DCLK1: variants seen among roughly 807,000 people sequenced by gnomAD.
DCLK1 encodes serine/threonine-protein kinase DCLK1.
DCLK1 carries 16 observed loss-of-function variants against 86.2 expected under a neutral mutation model. The ratio of observed to expected loss-of-function variants is 0.19; its 90% CI spans 0.13 to 0.28. The LOEUF (loss-of-function observed/expected upper bound fraction) is 0.28, where lower values mean the gene tolerates loss of function less well. Among genes scored for constraint, DCLK1 ranks in the 10% least tolerant of loss-of-function variants. DCLK1 has a pLI of 1.00. For missense variants in DCLK1, 590 were observed against 940.2 expected (o/e 0.63, Z 4.87); for synonymous variants, 369 against 370.5 (o/e 1.00, Z 0.05).
chr13:35,838,606 C>T (rs1004853889), intron 7 of DCLK1, among the ~76,000 whole-genome samples: 11 of 152,156 alleles, frequency 7.2e-5, no homozygotes, highest in Admixed American at 5.9e-4. Flanking sequence ...CAGTGAATTA[C>T]CTCAAGAATA....
At chr13:35,806,763 C>T (rs2087035589) in intron 14 of DCLK1, among the ~76,000 whole-genome samples, 1 of 152,174 alleles carries the variant, frequency 6.6e-6, no homozygotes, top group Admixed American at 6.5e-5. Context: ...TGTGAGCCCT[C>T]AGATCCTGCA....
chr13:35,780,648 G>T (rs2086509159), intron 16 of DCLK1, among the ~76,000 whole-genome samples: 1 of 152,192 alleles, frequency 6.6e-6, no homozygotes, highest in African/African-American at 2.4e-5. Context: ...AAATAAAATG[G>T]TATAGAGAAA....
chr13:35,859,513 G>A (rs1457220016), intron 5 of DCLK1, among the ~76,000 whole-genome samples: 2 of 152,090 alleles, frequency 1.3e-5, no homozygotes, highest in Non-Finnish European at 2.9e-5. Flanking sequence ...CCCTCCCGAC[G>A]GTACATGACC....
chr13:35,903,838 G>A (rs1290420330), intron 4 of DCLK1, among the ~76,000 whole-genome samples: 1 of 152,076 alleles, frequency 6.6e-6, no homozygotes, highest in Non-Finnish European at 1.5e-5. Context: ...TATGCCAAAA[G>A]CATAACAAAA....
Position 36,089,215 on chromosome 13 carries a change from C to G in DCLK1, c.723+22654G>C, listed in dbSNP as rs973742126. ...TTCTGCCCCATTTCGAATCATTCTT[C>G]CTCTGTACAATGTCACATATCTGCG... On this transcript the variant is annotated intron_variant, in intron 3 of 16. Transcript: ENST00000360631. Among the ~76,000 whole-genome samples the G allele has an allele frequency of 2.6e-5, 4 of 152,112 alleles. No homozygotes were observed. The East Asian group carries it at 7.8e-4, about 30-fold the overall frequency.
intron 3 of DCLK1, among the ~76,000 whole-genome samples, chr13:36,040,594 A>C (rs1882668767): frequency 1.3e-5 from 2 of 151,804 alleles, no homozygotes; most frequent in Admixed American, 6.6e-5. Flanking sequence ...TCAACTGTGA[A>C]GTTAATCTTT....
intron 4 of DCLK1, among the ~76,000 whole-genome samples, chr13:35,899,200 G>T (rs1683651487): frequency 6.6e-6 from 1 of 152,130 alleles, no homozygotes; most frequent in African/African-American, 2.4e-5. Flanking sequence ...TCAAAATGAA[G>T]ATAAAAATGT....
intron 3 of DCLK1, among the ~76,000 whole-genome samples, chr13:35,964,382 A>T (rs1025684539): frequency 6.6e-6 from 1 of 152,258 alleles, no homozygotes; most frequent in Non-Finnish European, 1.5e-5. Context: ...AAAAGAGGAA[A>T]TGAACATGCA....
At chr13:35,855,467 T>G in intron 5 of DCLK1, 1 of 1,569,958 alleles carries the variant, frequency 6.4e-7, no homozygotes. Context: ...GGGTGCAAAA[T>G]AAATGCTTTC....
chr13:36,087,577 C>T (rs1213622470), intron 3 of DCLK1, among the ~76,000 whole-genome samples: 1 of 152,062 alleles, frequency 6.6e-6, no homozygotes, highest in African/African-American at 2.4e-5. Flanking sequence ...AAATTTGCAG[C>T]CTAGTGGCAG....
At chr13:35,851,679 C>A (rs1371064403) in intron 6 of DCLK1, among the ~76,000 whole-genome samples, 1 of 152,184 alleles carries the variant, frequency 6.6e-6, no homozygotes, top group Non-Finnish European at 1.5e-5. Context: ...TGCCTGTAGA[C>A]AGCAACTTAA....
intron 3 of DCLK1, among the ~76,000 whole-genome samples, chr13:35,964,898 G>C (rs1878650375): frequency 6.6e-6 from 1 of 152,088 alleles, no homozygotes; most frequent in Non-Finnish European, 1.5e-5. Context: ...ATGCTCGCTT[G>C]TTTACATAAC....
At chr13:36,123,591 C>G (rs1262230788) in intron 2 of DCLK1, among the ~76,000 whole-genome samples, 1 of 152,222 alleles carries the variant, frequency 6.6e-6, no homozygotes, top group Non-Finnish European at 1.5e-5. Flanking sequence ...TTGGCACTAG[C>G]CTTCCTGGGT....
chr13:36,067,449 C>A (rs1178295214), intron 3 of DCLK1, among the ~76,000 whole-genome samples: 3 of 141,038 alleles, frequency 2.1e-5, no homozygotes, highest in Non-Finnish European at 4.6e-5. Flanking sequence ...AGGAGATATA[C>A]CTAATGCTAA....
chr13:35,769,078 A>G lies in DCLK1; in HGVS notation c.*5457T>C, dbSNP rs1007114267. On this transcript the variant is annotated 3_prime_UTR_variant, in exon 17 of 17. Coordinates refer to ENST00000360631, the MANE Select transcript of DCLK1 (RefSeq NM_001330071.2). ...AGCTCAGTTGATAAATGAACATAATATATCACAGATGATTTCATTCCACAT... is the reference window on the plus strand; with the variant it reads ...AGCTCAGTTGATAAATGAACATAATGTATCACAGATGATTTCATTCCACAT... 3.3e-5 allele frequency: 5 copies of G among 152,252 alleles called. No individual in the cohort carries two copies. The highest frequency in any genetic ancestry group is 1.5e-5 in the Non-Finnish European group (1 of 68,038). The allele number at this position is 152,252 out of a possible 1,614,324, so 9.4% of individuals were successfully genotyped here.
intron 3 of DCLK1, among the ~76,000 whole-genome samples, chr13:36,067,497 AT>A (rs1338975128): frequency 6.7e-6 from 1 of 150,196 alleles, no homozygotes; most frequent in Non-Finnish European, 1.5e-5. Context: ...AGCATGGCAC[AT>A]GTATACATAT....
At chr13:35,822,955 C>T (rs997633188) in intron 10 of DCLK1, 80 bp from the exon 11 acceptor site, 1 of 1,512,050 alleles carries the variant, frequency 6.6e-7, no homozygotes, top group African/African-American at 1.4e-5. Flanking sequence ...TGACAAACCC[C>T]AAAGGACAGG....
At chr13:36,126,447 G>A (rs1886191909) in intron 1 of DCLK1, among the ~76,000 whole-genome samples, 2 of 152,026 alleles carry the variant, frequency 1.3e-5, no homozygotes, top group Non-Finnish European at 2.9e-5. Flanking sequence ...TTTAGTAGTA[G>A]TGATGAGGGT....
chr13:35,794,024 G>A (rs1473794817), intron 15 of DCLK1, among the ~76,000 whole-genome samples: 6 of 152,206 alleles, frequency 3.9e-5, no homozygotes, highest in Non-Finnish European at 8.8e-5. Flanking sequence ...TAAATTTTAA[G>A]TCTTTCTTGC....
Sources: gnomAD v4.1 joint callset for allele counts (sites outside exome capture counted in the v4.1 genomes callset) on GRCh38, gnomAD v4.1.1 for gene constraint, MANE v1.5 for transcripts, NCBI Gene and HGNC (gene_info 2026-07-23, HGNC 2026-07-21) for gene names.